The following CLEC16A variants were observed in gnomAD, a reference collection of about 807,000 sequenced individuals.
CLEC16A encodes the protein C-type lectin domain containing 16A.
In CLEC16A, 51 loss-of-function variants were observed where a neutral mutation model predicts 109.5. That is an observed-to-expected ratio of 0.47 (90% CI 0.37 to 0.59). The LOEUF (loss-of-function observed/expected upper bound fraction) is 0.59. CLEC16A is among the 20% of genes least tolerant of loss of function. The pLI, the probability that CLEC16A is intolerant of heterozygous loss-of-function variation, is 0.00. For synonymous variants in CLEC16A, 673 were observed against 564.2 expected (o/e 1.19, Z -2.73); for missense variants, 1,339 against 1,394.0 (o/e 0.96, Z 0.63).
At chr16:11,156,796 T>G in intron 22 of CLEC16A, 1 of 604,280 alleles carries the variant, frequency 1.7e-6, no homozygotes, top group South Asian at 1.7e-5. Flanking sequence ...GTTGCACCAC[T>G]GCGAGAGATT....
rs1159168054 is a variant in CLEC16A, at chr16:11,145,641, G to T, written c.2641+19495G>T. ...TAGAGCATACGTTACCAAGTGGGTG[G>T]GGCTGTGCCCCCATCAGTCTTCCCT... On this transcript the variant is annotated intron_variant, in intron 22 of 23. Transcript: ENST00000409790. Among the ~76,000 whole-genome samples the T allele has an allele frequency of 2.0e-5, 3 of 152,256 alleles. No homozygotes were observed. The East Asian group carries it at 5.8e-4, about 29-fold the overall frequency.
At chr16:11,077,638 G>A (rs1160720638) in intron 19 of CLEC16A, among the ~76,000 whole-genome samples, 1 of 152,104 alleles carries the variant, frequency 6.6e-6, no homozygotes, top group Admixed American at 6.6e-5. Context: ...CAGCCTAGGG[G>A]ACAACGTGAG....
chr16:11,074,292 C>G (rs1417389918), intron 19 of CLEC16A, among the ~76,000 whole-genome samples: 6 of 152,228 alleles, frequency 3.9e-5, no homozygotes, highest in Non-Finnish European at 8.8e-5. Flanking sequence ...AATGTTTCCC[C>G]TCTCTATGAA....
intron 11 of CLEC16A, among the ~76,000 whole-genome samples, chr16:11,010,076 C>G (rs1010547628): frequency 3.3e-5 from 5 of 152,170 alleles, no homozygotes; most frequent in African/African-American, 1.2e-4. Context: ...TCCCTTGAGC[C>G]CAGGAGGTTG....
intron 23 of CLEC16A, among the ~76,000 whole-genome samples, chr16:11,173,017 C>T (rs565235891): frequency 2.0e-4 from 30 of 152,238 alleles, no homozygotes; most frequent in African/African-American, 7.2e-4. Context: ...GCTTCCCCGG[C>T]TTCCCTCCCA....
At chr16:11,175,582 C>T (rs765873980) in intron 23 of CLEC16A, among the ~76,000 whole-genome samples, 6 of 152,192 alleles carry the variant, frequency 3.9e-5, no homozygotes, top group Non-Finnish European at 7.3e-5. Flanking sequence ...CCTTGTAGAT[C>T]AAGTTCAGGA....
At chr16:11,050,600 G>T (rs1366128990) in intron 17 of CLEC16A, among the ~76,000 whole-genome samples, 1 of 152,262 alleles carries the variant, frequency 6.6e-6, no homozygotes, top group African/African-American at 2.4e-5. Context: ...ATGCAGCAGA[G>T]ATCTGGGAGA....
At chr16:11,078,270 A>G (rs912598144) in intron 19 of CLEC16A, among the ~76,000 whole-genome samples, 1 of 152,074 alleles carries the variant, frequency 6.6e-6, no homozygotes, top group African/African-American at 2.4e-5. Flanking sequence ...GAAGGTTCTG[A>G]GTCACTGGCT....
chr16:11,008,617 T>C (rs2045192372), intron 11 of CLEC16A, among the ~76,000 whole-genome samples: 1 of 151,914 alleles, frequency 6.6e-6, no homozygotes, highest in African/African-American at 2.4e-5. Context: ...CCTTTTTTTT[T>C]CCTTTTTTTA....
chr16:11,121,879 CA>C (rs536067685), intron 20 of CLEC16A, among the ~76,000 whole-genome samples: 101 of 29,832 alleles, frequency 3.4e-3, no homozygotes, highest in African/African-American at 6.5e-3. Flanking sequence ...GACCCTGTCT[CA>C]AAAAAAAAAA....
intron 13 of CLEC16A, among the ~76,000 whole-genome samples, chr16:11,025,844 C>G (rs532326566): frequency 1.3e-5 from 2 of 151,840 alleles, no homozygotes; most frequent in African/African-American, 2.4e-5. Flanking sequence ...TTGACCCCAG[C>G]TCTCCTCTTC....
intron 22 of CLEC16A, among the ~76,000 whole-genome samples, chr16:11,150,571 T>G (rs2054254979): frequency 6.6e-6 from 1 of 152,224 alleles, no homozygotes; most frequent in Non-Finnish European, 1.5e-5. Flanking sequence ...CAAGGTTTTG[T>G]TTTCACAACA....
At chr16:11,028,543 GAAAA>G (rs577834995) in intron 13 of CLEC16A, among the ~76,000 whole-genome samples, 2 of 123,402 alleles carry the variant, frequency 1.6e-5, no homozygotes, top group African/African-American at 5.9e-5. Context: ...CTCTGCTGTG[GAAAA>G]AAAAAAAAAA....
chr16:11,043,573 C>T (rs1480302878), intron 15 of CLEC16A, among the ~76,000 whole-genome samples: 4 of 152,064 alleles, frequency 2.6e-5, no homozygotes, highest in Admixed American at 6.6e-5. Flanking sequence ...TCATTAAGAA[C>T]TATTTTATAG....
At position 11,026,817 on chromosome 16, in the gene CLEC16A, C is replaced by G. The variant is rs79385195; in HGVS notation, c.1537+1896C>G. On this transcript the variant is annotated intron_variant, in intron 13 of 23. Coordinates refer to ENST00000409790, the MANE Select transcript of CLEC16A (RefSeq NM_015226.3). ...AAAGGGCTGGGTTTTAAAAATGACA[C>G]AGGCTCTAAAAACCCTGGAAGCGGT... 5.2e-3 allele frequency among the ~76,000 whole-genome samples: 789 copies of G among 152,208 alleles called. 7 individuals carry two copies. Among genetic ancestry groups the G allele is most frequent in the African/African-American group, 0.018 (754 of 41,536 alleles).
chr16:10,944,828 G>T, intron 1 of CLEC16A, 31 bp downstream of exon 1: 1 of 1,566,930 alleles, frequency 6.4e-7, no homozygotes, highest in Non-Finnish European at 8.7e-7. Flanking sequence ...GGGAGGCCTC[G>T]GGGCTGGACA....
intron 23 of CLEC16A, among the ~76,000 whole-genome samples, chr16:11,176,838 GTC>G (rs1157456463): frequency 1.3e-5 from 2 of 152,190 alleles, no homozygotes; most frequent in Non-Finnish European, 2.9e-5. Flanking sequence ...AATCCAGTCT[GTC>G]TCTCGTGCTT....
At chr16:11,126,632 C>T (rs991474593) in intron 22 of CLEC16A, 2 of 260,720 alleles carry the variant, frequency 7.7e-6, no homozygotes, top group African/African-American at 2.2e-5. Context: ...CACAGCTCAT[C>T]TCTAACCCTG....
intron 19 of CLEC16A, among the ~76,000 whole-genome samples, chr16:11,063,003 TC>T: frequency 6.6e-6 from 1 of 152,072 alleles, no homozygotes; most frequent in South Asian, 2.1e-4. Flanking sequence ...CCTTCTCTCC[TC>T]CCCCTAGGAA....
Sources: gnomAD v4.1 joint callset for allele counts (sites outside exome capture counted in the v4.1 genomes callset) on GRCh38, gnomAD v4.1.1 for gene constraint, MANE v1.5 for transcripts, NCBI Gene and HGNC (gene_info 2026-07-23, HGNC 2026-07-21) for gene names.